Variants in ACKR3 observed in about 807,000 individuals in gnomAD.
ACKR3 encodes atypical chemokine receptor 3, also known as C-X-C chemokine receptor type 7.
A neutral mutation model predicts 22.4 loss-of-function variants in ACKR3; 6 were observed. The ratio of observed to expected loss-of-function variants is 0.27; its 90% CI spans 0.15 to 0.53. ACKR3 has a LOEUF of 0.53. Ranked by LOEUF, ACKR3 falls within the 20% of genes least tolerant of loss-of-function variation. The pLI, the probability that ACKR3 is intolerant of heterozygous loss-of-function variation, is 0.96. For missense variants in ACKR3, 396 were observed against 475.2 expected (o/e 0.83, Z 1.55); for synonymous variants, 209 against 205.2 (o/e 1.02, Z -0.16).
At chr2:236,560,365 A>G in the ACKR3 span, among the ~76,000 whole-genome samples, 1 of 121,534 alleles carries the variant, frequency 8.2e-6, no homozygotes, top group Non-Finnish European at 1.6e-5. Flanking sequence ...GTGTGAGGTG[A>G]TATTTCATTG....
rs1276653366 is a variant in ACKR3 at position 236,580,641 on chromosome 2, T to C, written c.176T>C (p.Met59Thr). 2 of 1,614,060 alleles carry C rather than the reference T, an allele frequency of 1.2e-6. No homozygotes were observed. Among genetic ancestry groups the C allele is most frequent in the Non-Finnish European group, 1.7e-6 (2 of 1,179,946 alleles). The change falls in exon 2 of 2, where the codon ATG becomes ACG. Residue 59 changes from methionine to threonine, a missense_variant. Met to Thr is a moderately conservative substitution (Grantham distance 81). Coordinates refer to ENST00000272928, the MANE Select transcript of ACKR3 (RefSeq NM_020311.3). ...FIYIFIFVIG[M>T]IANSVVVWVN... ...TACATTTTCATCTTCGTCATCGGCA[T>C]GATTGCCAACTCCGTGGTGGTCTGG...
the ACKR3 span, among the ~76,000 whole-genome samples, chr2:236,545,497 G>A: frequency 2.6e-5 from 4 of 152,210 alleles, no homozygotes; most frequent in African/African-American, 9.6e-5. The surrounding 1 kb of genome is among the most constrained non-coding windows in gnomAD (Gnocchi z 5.3). Flanking sequence ...CAGGATCTGG[G>A]AGCCAGAGTG....
chr2:236,551,578 CCTAA>C, the ACKR3 span, among the ~76,000 whole-genome samples: 8 of 152,306 alleles, frequency 5.3e-5, no homozygotes, highest in African/African-American at 1.2e-4. Flanking sequence ...TGATTTGCAG[CCTAA>C]CTGACTCCAA....
At chr2:236,540,529 T>A in the ACKR3 span, among the ~76,000 whole-genome samples, 1 of 152,192 alleles carries the variant, frequency 6.6e-6, no homozygotes, top group Non-Finnish European at 1.5e-5. Context: ...AAATTTGTCA[T>A]TTTTTACATT....
chr2:236,544,001 T>TA, the ACKR3 span, among the ~76,000 whole-genome samples: 7 of 112,046 alleles, frequency 6.2e-5, no homozygotes, highest in East Asian at 1.9e-3. This position sits in a 1 kb window ranked among gnomAD's most constrained non-coding sequence, Gnocchi z 5.0. Context: ...ATACACTTTT[T>TA]TTTTTTTGAG....
chr2:236,564,397 T>C (rs1017882290), upstream of ACKR3, among the ~76,000 whole-genome samples: 2 of 152,208 alleles, frequency 1.3e-5, no homozygotes, highest in East Asian at 1.9e-4. Context: ...CGTTCTTTTG[T>C]TGCTTTGTTT....
chr2:236,559,981 A>G, the ACKR3 span, among the ~76,000 whole-genome samples: 21 of 152,222 alleles, frequency 1.4e-4, no homozygotes, highest in Non-Finnish European at 2.5e-4. Flanking sequence ...AACACTTTCC[A>G]TTTCAAGAGA....
chr2:236,580,198 A>G (rs982202616), intron 1 of ACKR3, among the ~76,000 whole-genome samples: 1 of 152,260 alleles, frequency 6.6e-6, no homozygotes, highest in Non-Finnish European at 1.5e-5. Context: ...AGATGGAGAA[A>G]GCAAACACAG....
chr2:236,552,017 T>A, the ACKR3 span, among the ~76,000 whole-genome samples: 1 of 152,204 alleles, frequency 6.6e-6, no homozygotes, highest in Non-Finnish European at 1.5e-5. Flanking sequence ...CTTCTTCTCT[T>A]ATTTAATCAG....
chr2:236,560,204 A>AT, the ACKR3 span, among the ~76,000 whole-genome samples: 1 of 151,306 alleles, frequency 6.6e-6, no homozygotes, highest in African/African-American at 2.4e-5. Flanking sequence ...TCTATTTTTA[A>AT]TTTTTTTTGA....
At chr2:236,551,654 G>T in the ACKR3 span, among the ~76,000 whole-genome samples, 1 of 152,188 alleles carries the variant, frequency 6.6e-6, no homozygotes, top group Non-Finnish European at 1.5e-5. Flanking sequence ...TAGAACAATG[G>T]CTTCTAAAAG....
chr2:236,548,795 A>G, the ACKR3 span, among the ~76,000 whole-genome samples: 1 of 152,228 alleles, frequency 6.6e-6, no homozygotes, highest in Non-Finnish European at 1.5e-5. The surrounding 1 kb of genome is among the most constrained non-coding windows in gnomAD (Gnocchi z 4.3). Flanking sequence ...ACATAAGCAC[A>G]GTTCAGTATT....
chr2:236,577,562 C>G lies in ACKR3; in HGVS notation c.-26-2878C>G, dbSNP rs1417914003. Reference sequence around the variant, plus strand: ...GAAGGACACACTCGAGATGTGGGAACCAGGCGTCTTCTCACTGAGTGACCC... The same window carrying G: ...GAAGGACACACTCGAGATGTGGGAAGCAGGCGTCTTCTCACTGAGTGACCC... On this transcript the variant is annotated intron_variant, in intron 1 of 1. Coordinates refer to ENST00000272928, the MANE Select transcript of ACKR3 (RefSeq NM_020311.3). This position sits in a 1 kb window ranked among gnomAD's most constrained non-coding sequence, Gnocchi z 5.6. Among the ~76,000 whole-genome samples, 1 of 152,098 alleles carries G rather than the reference C, an allele frequency of 6.6e-6. No individual in the cohort carries two copies. The highest frequency in any genetic ancestry group is 1.9e-4 in the East Asian group (1 of 5,168).
chr2:236,575,565 GTC>G (rs1440010268), intron 1 of ACKR3, among the ~76,000 whole-genome samples: 4 of 128,462 alleles, frequency 3.1e-5, no homozygotes, highest in African/African-American at 1.5e-4. Flanking sequence ...GTGTGTGTGT[GTC>G]TGGGGTTGTG....
chr2:236,573,136 T>C (rs1691342614), intron 1 of ACKR3, among the ~76,000 whole-genome samples: 1 of 152,090 alleles, frequency 6.6e-6, no homozygotes, highest in Non-Finnish European at 1.5e-5. Context: ...GGTTTCCCCA[T>C]AGATTCGATG....
upstream of ACKR3, among the ~76,000 whole-genome samples, chr2:236,567,355 C>T (rs887696820): frequency 6.6e-6 from 1 of 152,138 alleles, no homozygotes; most frequent in Non-Finnish European, 1.5e-5. Flanking sequence ...ACTATGCTTT[C>T]CTCCTATTCA....
chr2:236,576,803 G>C (rs2106505593), intron 1 of ACKR3, among the ~76,000 whole-genome samples: 1 of 152,380 alleles, frequency 6.6e-6, no homozygotes, highest in East Asian at 1.9e-4. Context: ...GCTGGAGACA[G>C]CTCTTGTTTC....
chr2:236,573,304 G>T (rs2106501590), intron 1 of ACKR3, among the ~76,000 whole-genome samples: 1 of 152,310 alleles, frequency 6.6e-6, no homozygotes, highest in South Asian at 2.1e-4. Context: ...CTGGCCTGGT[G>T]GAAGAGGTGT....
At chr2:236,561,512 CTTTTT>C in the ACKR3 span, among the ~76,000 whole-genome samples, 2 of 145,776 alleles carry the variant, frequency 1.4e-5, no homozygotes, top group Non-Finnish European at 3.0e-5. Context: ...ACACAATTGA[CTTTTT>C]TTTTTTTTGA....
Sources: allele counts gnomAD v4.1 joint callset (sites outside exome capture counted in the v4.1 genomes callset), GRCh38; gene constraint gnomAD v4.1.1; non-coding constraint Gnocchi (gnomAD v3.1); transcripts MANE v1.5; gene names NCBI Gene and HGNC (gene_info 2026-07-23, HGNC 2026-07-21).